The following SPAG16 variants were observed in gnomAD, a reference collection of about 807,000 sequenced individuals.
SPAG16 encodes sperm associated antigen 16.
SPAG16 carries 86 observed loss-of-function variants against 80.4 expected under a neutral mutation model. That is an observed-to-expected ratio of 1.07 (90% confidence interval 0.90 to 1.28). SPAG16 has a LOEUF of 1.28. Among genes scored for constraint, SPAG16 ranks in the 50% most tolerant of loss-of-function variants. The pLI, the probability that SPAG16 is intolerant of heterozygous loss-of-function variation, is 0.00. For missense variants in SPAG16, 870 were observed against 765.3 expected (o/e 1.14, Z -1.61); for synonymous variants, 294 against 265.9 (o/e 1.11, Z -1.03).
intron 12 of SPAG16, among the ~76,000 whole-genome samples, chr2:213,998,034 T>A (rs1390270384): frequency 6.6e-6 from 1 of 152,190 alleles, no homozygotes; most frequent in Non-Finnish European, 1.5e-5. Context: ...AAATAAAAAC[T>A]AAAATACTGG....
intron 10 of SPAG16, among the ~76,000 whole-genome samples, chr2:213,643,402 A>ATATATG (rs1559338015): frequency 1.7e-4 from 8 of 46,800 alleles, no homozygotes; most frequent in Non-Finnish European, 3.3e-4. Flanking sequence ...ATATATATAT[A>ATATATG]TATATATATT....
intron 15 of SPAG16, among the ~76,000 whole-genome samples, chr2:214,294,443 G>A (rs1297110863): frequency 6.6e-6 from 1 of 152,154 alleles, no homozygotes; most frequent in Non-Finnish European, 1.5e-5. Flanking sequence ...TTTGAACTAT[G>A]AATATCTACT....
At chr2:214,320,998 A>G (rs905464151) in intron 15 of SPAG16, among the ~76,000 whole-genome samples, 3 of 152,228 alleles carry the variant, frequency 2.0e-5, no homozygotes, top group Admixed American at 1.3e-4. Context: ...GATCTTGTAG[A>G]ATCACGTAAA....
intron 5 of SPAG16, among the ~76,000 whole-genome samples, chr2:213,318,424 C>G (rs770244285): frequency 1.2e-4 from 18 of 151,942 alleles, no homozygotes; most frequent in Non-Finnish European, 2.5e-4. Context: ...ACCACATATT[C>G]TCACTTATAA....
chr2:214,076,919 G>T (rs927983534), intron 13 of SPAG16, among the ~76,000 whole-genome samples: 4 of 152,110 alleles, frequency 2.6e-5, no homozygotes, highest in Non-Finnish European at 5.9e-5. Context: ...ATATGAGCTG[G>T]AGACATAGTT....
intron 11 of SPAG16, among the ~76,000 whole-genome samples, chr2:213,918,809 T>TC (rs1377660341): frequency 2.0e-5 from 3 of 152,102 alleles, no homozygotes; most frequent in African/African-American, 7.2e-5. Flanking sequence ...GTTTTGTAAC[T>TC]CATTTTTTTT....
At chr2:213,353,476 C>T (rs1249239511) in intron 7 of SPAG16, among the ~76,000 whole-genome samples, 1 of 152,156 alleles carries the variant, frequency 6.6e-6, no homozygotes, top group African/African-American at 2.4e-5. Context: ...TTTTCTAGCA[C>T]AATGTAAAAT....
intron 10 of SPAG16, among the ~76,000 whole-genome samples, chr2:213,508,893 T>G (rs1017550584): frequency 2.0e-5 from 3 of 151,502 alleles, no homozygotes; most frequent in Non-Finnish European, 2.9e-5. Context: ...ATTGTGCACA[T>G]GTACCCTAAA....
intron 10 of SPAG16, among the ~76,000 whole-genome samples, chr2:213,656,407 C>T (rs1395330911): frequency 1.3e-5 from 2 of 152,196 alleles, no homozygotes; most frequent in Admixed American, 1.3e-4. Flanking sequence ...CCTCCGCCCG[C>T]CTCGGCCTCC....
chr2:213,303,193 T>A (rs2062813716), intron 3 of SPAG16, among the ~76,000 whole-genome samples: 1 of 152,076 alleles, frequency 6.6e-6, no homozygotes, highest in Non-Finnish European at 1.5e-5. Flanking sequence ...ACATTTGAAT[T>A]GGCATCCTGT....
rs375487587 is a variant in SPAG16, at chr2:213,480,372, C to G, written c.943-9591C>G. Reference sequence around the variant, plus strand: ...TTAGCCAATAATGCAAATAAGTTAGCCTTGCTACAGCAAAGTTTTGCCTTG... The same window carrying G: ...TTAGCCAATAATGCAAATAAGTTAGGCTTGCTACAGCAAAGTTTTGCCTTG... On this transcript the variant is annotated intron_variant, in intron 9 of 15. Coordinates refer to ENST00000331683, the MANE Select transcript of SPAG16 (RefSeq NM_024532.5). Among the ~76,000 whole-genome samples the G allele has an allele frequency of 3.3e-5, 5 of 152,170 alleles. No individual in the cohort carries two copies. The South Asian group carries it at 8.3e-4, about 25-fold the overall frequency.
intron 9 of SPAG16, among the ~76,000 whole-genome samples, chr2:213,386,396 T>C (rs1159867965): frequency 6.6e-6 from 1 of 152,198 alleles, no homozygotes; most frequent in African/African-American, 2.4e-5. Flanking sequence ...TAACCTCCTA[T>C]TGCAGTTTCC....
intron 14 of SPAG16, among the ~76,000 whole-genome samples, chr2:214,119,951 C>T (rs1456327118): frequency 6.6e-6 from 1 of 151,916 alleles, no homozygotes; most frequent in Non-Finnish European, 1.5e-5. Context: ...CTTTCTCATA[C>T]ATTTTAATAT....
At chr2:213,940,916 A>G (rs2079172487) in intron 12 of SPAG16, among the ~76,000 whole-genome samples, 1 of 152,204 alleles carries the variant, frequency 6.6e-6, no homozygotes, top group Admixed American at 6.5e-5. Context: ...GATATCGCTA[A>G]CAACAAATTA....
At chr2:213,875,857 G>A (rs568839406) in intron 11 of SPAG16, among the ~76,000 whole-genome samples, 2 of 151,936 alleles carry the variant, frequency 1.3e-5, no homozygotes, top group Non-Finnish European at 2.9e-5. Context: ...TTTCCTTCAC[G>A]TATTTGATGT....
chr2:213,950,310 A>T (rs867903334), intron 12 of SPAG16, among the ~76,000 whole-genome samples: 1 of 152,072 alleles, frequency 6.6e-6, no homozygotes, highest in East Asian at 1.9e-4. Flanking sequence ...CGAGATTTGG[A>T]AAAAAAACCT....
intron 11 of SPAG16, among the ~76,000 whole-genome samples, chr2:213,868,972 C>A (rs1447197888): frequency 1.3e-5 from 2 of 151,910 alleles, no homozygotes; most frequent in African/African-American, 4.8e-5. Flanking sequence ...ATACATGGGA[C>A]TGGGCATGGT....
chr2:214,175,324 T>C (rs973186203), intron 15 of SPAG16, among the ~76,000 whole-genome samples: 16 of 146,172 alleles, frequency 1.1e-4, no homozygotes, highest in African/African-American at 3.9e-4. Context: ...AAGAAATATA[T>C]ATATAAAGAA....
intron 14 of SPAG16, among the ~76,000 whole-genome samples, chr2:214,135,719 C>T (rs901415437): frequency 7.2e-6 from 1 of 139,502 alleles, no homozygotes; most frequent in Non-Finnish European, 1.5e-5. Context: ...CTCTCTGTCT[C>T]TCTGTCTCTC....
Sources: gnomAD v4.1 joint callset for allele counts (sites outside exome capture counted in the v4.1 genomes callset) on GRCh38, gnomAD v4.1.1 for gene constraint, MANE v1.5 for transcripts, NCBI Gene and HGNC (gene_info 2026-07-23, HGNC 2026-07-21) for gene names.